CCDC197: variants seen among roughly 807,000 people sequenced by gnomAD.
CCDC197 encodes the protein uncharacterized protein CCDC197.
In CCDC197, 24 loss-of-function variants were observed where a neutral mutation model predicts 13.4. The ratio of observed to expected loss-of-function variants is 1.80; its 90% CI spans 1.30 to 2.53. The LOEUF (loss-of-function observed/expected upper bound fraction) is 2.53. Ranked by LOEUF, CCDC197 falls within the 30% of genes most tolerant of loss-of-function variation. The probability of loss-of-function intolerance (pLI) is 0.00; values close to 1 mark genes in which losing one functional copy is unlikely to be tolerated. For missense variants in CCDC197, 255 were observed against 148.8 expected, an observed-to-expected ratio of 1.71 and a Z score of -3.71; for synonymous variants, 99 against 55.5, an observed-to-expected ratio of 1.78 and a Z score of -3.48.
intron 2 of CCDC197, among the ~76,000 whole-genome samples, chr14:93,999,047 G>A (rs1469232902): frequency 6.6e-6 from 1 of 152,256 alleles, no homozygotes; most frequent in Non-Finnish European, 1.5e-5. Flanking sequence ...AAAGAGTCAA[G>A]TATGGTCAGG....
upstream of CCDC197, among the ~76,000 whole-genome samples, chr14:93,994,433 A>G (rs900988216): frequency 1.3e-5 from 2 of 152,148 alleles, no homozygotes; most frequent in African/African-American, 4.8e-5. Flanking sequence ...CCGTTCTGAG[A>G]ATGAAACGAG....
At chr14:94,007,994 G>A (rs1890734299) in intron 6 of CCDC197, among the ~76,000 whole-genome samples, 1 of 152,202 alleles carries the variant, frequency 6.6e-6, no homozygotes, top group Non-Finnish European at 1.5e-5. Context: ...GGCATCCCTA[G>A]TTATATACAA....
At chr14:94,005,553 A>G (rs536539443) in intron 6 of CCDC197, among the ~76,000 whole-genome samples, 54 of 152,360 alleles carry the variant, frequency 3.5e-4, no homozygotes, top group African/African-American at 1.3e-3. Flanking sequence ...AAACGTGATC[A>G]GATTGGCTTT....
intron 4 of CCDC197, among the ~76,000 whole-genome samples, chr14:94,002,816 G>A: frequency 7.0e-6 from 1 of 142,784 alleles, no homozygotes; most frequent in East Asian, 2.1e-4. Flanking sequence ...TTGTTCCGCT[G>A]CACTCCAGCC....
chr14:94,006,323 A>G (rs1015351806), intron 6 of CCDC197, among the ~76,000 whole-genome samples: 2 of 150,748 alleles, frequency 1.3e-5, no homozygotes, highest in Non-Finnish European at 2.9e-5. Flanking sequence ...GTCTATTCAA[A>G]TTATTTGCCC....
upstream of CCDC197, among the ~76,000 whole-genome samples, chr14:93,993,406 T>C (rs1483387066): frequency 1.3e-5 from 2 of 152,216 alleles, no homozygotes; most frequent in Non-Finnish European, 2.9e-5. Flanking sequence ...AACGAGAAGA[T>C]GCTAAGTGTT....
chr14:93,999,665 G>GGT lies in CCDC197; in HGVS notation c.187+1_187+2dup, dbSNP rs1555432231. 1.3e-6 allele frequency: 1 copy of GGT among 780,974 alleles called. No homozygotes were observed. The highest frequency in any genetic ancestry group is 1.7e-5 in the African/African-American group (1 of 59,246). 48.4% of individuals were successfully genotyped at this position (780,974 alleles called of 1,614,324 possible). ...TAAGGTCCTTGAGAAAATCCCCGAG[G>GGT]GTATGTACACAGCTTCCTCGGAAAG... On this transcript the variant is annotated frameshift_variant and splice_region_variant. Coordinates refer to ENST00000636493, the MANE Select transcript of CCDC197 (RefSeq NM_001351596.2). LOFTEE classifies it high-confidence loss of function.
upstream of CCDC197, among the ~76,000 whole-genome samples, chr14:93,993,549 A>C (rs984058241): frequency 5.9e-5 from 9 of 151,864 alleles, no homozygotes; most frequent in African/African-American, 2.2e-4. Context: ...CCGCAGCCCC[A>C]CTCTGCATCC....
intron 3 of CCDC197, 100 bp from the exon 4 acceptor site, chr14:94,001,045 C>T (rs1890481420): frequency 4.7e-6 from 3 of 640,620 alleles, no homozygotes; most frequent in African/African-American, 3.6e-5. Context: ...CTGTCTGGCA[C>T]CTCTCAATTT....
intron 6 of CCDC197, among the ~76,000 whole-genome samples, chr14:94,005,460 A>G (rs142202104): frequency 6.6e-6 from 1 of 152,218 alleles, no homozygotes; most frequent in East Asian, 1.9e-4. Context: ...CAGGGTCCTC[A>G]CCTTAAACTT....
At chr14:94,006,861 A>G (rs7143975) in intron 6 of CCDC197, 42,128 of 151,822 alleles carry the variant, frequency 0.28, 7,112 homozygotes, top group African/African-American at 0.47. Context: ...GTCTCAGTCT[A>G]TCACCCAGGC....
intron 2 of CCDC197, among the ~76,000 whole-genome samples, chr14:93,998,685 C>A (rs1890397578): frequency 6.6e-6 from 1 of 152,208 alleles, no homozygotes; most frequent in Non-Finnish European, 1.5e-5. Flanking sequence ...TGTGTCTATG[C>A]AAAGTTTTAT....
chr14:94,000,772 A>G (rs1890469921), intron 3 of CCDC197: 1 of 170,094 alleles, frequency 5.9e-6, no homozygotes, highest in Non-Finnish European at 1.2e-5. Flanking sequence ...AAAATGCATA[A>G]CCACCAGGAC....
At chr14:94,010,189 G>GTGTT (rs57817095), downstream of CCDC197, among the ~76,000 whole-genome samples, 58,498 of 150,962 alleles carry the variant, frequency 0.39, 13,027 homozygotes, top group African/African-American at 0.62. Context: ...ATATTTTGGG[G>GTGTT]TGTTTGTTTG....
At chr14:93,995,169 T>C (rs533763156), upstream of CCDC197, among the ~76,000 whole-genome samples, 2 of 152,178 alleles carry the variant, frequency 1.3e-5, no homozygotes, top group Non-Finnish European at 2.9e-5. Context: ...GACAGCATGC[T>C]CAGAAATGCT....
chr14:93,992,241 C>A (rs1042070261), intron 1 of CCDC197, among the ~76,000 whole-genome samples: 3 of 152,060 alleles, frequency 2.0e-5, no homozygotes, highest in Admixed American at 6.5e-5. Flanking sequence ...GGGACAGGAG[C>A]AGAAGGAACA....
At chr14:93,989,454 T>C (rs1203625056) in intron 1 of CCDC197, among the ~76,000 whole-genome samples, 5 of 152,156 alleles carry the variant, frequency 3.3e-5, no homozygotes, top group African/African-American at 9.7e-5. Flanking sequence ...GGTGCTCCTA[T>C]ACATGCAGGA....
chr14:93,994,169 G>T (rs1449803771), upstream of CCDC197, among the ~76,000 whole-genome samples: 3 of 152,122 alleles, frequency 2.0e-5, no homozygotes, highest in African/African-American at 7.2e-5. Flanking sequence ...TCCCAGCGTG[G>T]GTCGTATGCA....
intron 1 of CCDC197, among the ~76,000 whole-genome samples, chr14:93,990,728 A>G (rs2141339637): frequency 6.6e-6 from 1 of 152,268 alleles, no homozygotes; most frequent in South Asian, 2.1e-4. Context: ...TTGGCTGGAG[A>G]GCATTCAGGA....
Sources: gnomAD v4.1 joint callset for allele counts (sites outside exome capture counted in the v4.1 genomes callset) on GRCh38, gnomAD v4.1.1 for gene constraint, MANE v1.5 for transcripts, NCBI Gene and HGNC (gene_info 2026-07-23, HGNC 2026-07-21) for gene names.